Variants in PGM1 observed in about 807,000 individuals in gnomAD.
PGM1 encodes the protein phosphoglucomutase 1.
PGM1 carries 52 observed loss-of-function variants against 55.6 expected under a neutral mutation model. That is an observed-to-expected ratio of 0.94 (90% confidence interval 0.75 to 1.18). PGM1 has a LOEUF of 1.18. PGM1 is among the 50% of genes most tolerant of loss of function. The pLI is 0.00. For synonymous variants in PGM1, 287 were observed against 271.7 expected, an observed-to-expected ratio of 1.06 and a Z score of -0.55; for missense variants, 724 against 729.3, an observed-to-expected ratio of 0.99 and a Z score of 0.08.
intron 1 of PGM1, among the ~76,000 whole-genome samples, chr1:63,628,253 T>C (rs1649091554): frequency 6.6e-6 from 1 of 152,280 alleles, no homozygotes; most frequent in Middle Eastern, 3.4e-3. Flanking sequence ...ACCCTGGTGG[T>C]TACCATTTCC....
chr1:63,606,050 A>G (rs1210670390), intron 1 of PGM1, among the ~76,000 whole-genome samples: 1 of 152,186 alleles, frequency 6.6e-6, no homozygotes, highest in East Asian at 1.9e-4. Context: ...CCTTAGCAGA[A>G]CCCAACCTGC....
At chr1:63,599,127 A>G (rs1166563431) in intron 1 of PGM1, among the ~76,000 whole-genome samples, 5 of 152,158 alleles carry the variant, frequency 3.3e-5, no homozygotes, top group Admixed American at 3.3e-4. Flanking sequence ...TAAACCTTAT[A>G]TCCCTGGGGC....
intron 1 of PGM1, among the ~76,000 whole-genome samples, chr1:63,619,898 A>G (rs1648838691): frequency 6.6e-6 from 1 of 152,124 alleles, no homozygotes; most frequent in African/African-American, 2.4e-5. Context: ...TCTTTACATC[A>G]TTTTCCAGTT....
chr1:63,593,650 G>C lies in PGM1; in HGVS notation c.162G>C (p.Glu54Asp), dbSNP rs778203251. 5 of 1,610,580 alleles carry C rather than the reference G, an allele frequency of 3.1e-6. No homozygotes were observed. Among genetic ancestry groups the C allele is most frequent in the Non-Finnish European group, 4.2e-6 (5 of 1,178,778 alleles). ...CCGTGGAGCCGGCGCAGCGGCAGGAGGCCACGCTGGTGGTGGGCGGGGACG... is the reference window on the plus strand; with the variant it reads ...CCGTGGAGCCGGCGCAGCGGCAGGACGCCACGCTGGTGGTGGGCGGGGACG... Reference protein sequence around the residue: ...ISTVEPAQRQEATLVVGGDGR... With the variant: ...ISTVEPAQRQDATLVVGGDGR... Residue 54 changes from glutamate (E) to aspartate (D), a missense_variant, in exon 1 of 11, where the codon GAG becomes GAC. By Grantham distance (45) the Glu-to-Asp change is conservative. Coordinates refer to ENST00000371084, the MANE Select transcript of PGM1 (RefSeq NM_002633.3).
chr1:63,640,337 T>C (rs1465587270), intron 7 of PGM1, among the ~76,000 whole-genome samples: 2 of 152,184 alleles, frequency 1.3e-5, no homozygotes, highest in African/African-American at 2.4e-5. Flanking sequence ...AGAATACTAG[T>C]TCCATGAGAG....
At position 63,629,013 on chromosome 1, in the gene PGM1, T is replaced by C. The variant is rs545028716; in HGVS notation, c.247-412T>C. Reference sequence around the variant, plus strand: ...TTTGGGTAGAATCCCTTTAATTAGCTAAACCTTTTCTTTTCTCCCGTTGTG... The same window carrying C: ...TTTGGGTAGAATCCCTTTAATTAGCCAAACCTTTTCTTTTCTCCCGTTGTG... On this transcript the variant is annotated intron_variant, in intron 1 of 10. Coordinates refer to ENST00000371084, the MANE Select transcript of PGM1 (RefSeq NM_002633.3). Among the ~76,000 whole-genome samples the C allele has an allele frequency of 2.0e-5, 3 of 152,358 alleles. No homozygotes were observed. In the South Asian group the frequency reaches 6.2e-4, roughly 32 times the overall value.
At chr1:63,594,593 G>T (rs78445581) in intron 1 of PGM1, among the ~76,000 whole-genome samples, 3 of 150,548 alleles carry the variant, frequency 2.0e-5, no homozygotes, top group South Asian at 4.2e-4. Flanking sequence ...TGATTGGGCG[G>T]GTCCACTCGG....
At chr1:63,614,371 T>A (rs1311040981) in intron 1 of PGM1, among the ~76,000 whole-genome samples, 24 of 152,182 alleles carry the variant, frequency 1.6e-4, no homozygotes. Flanking sequence ...AAAGTCCAAC[T>A]TTTTATATCC....
intron 1 of PGM1, among the ~76,000 whole-genome samples, chr1:63,599,422 A>G (rs947605471): frequency 1.1e-4 from 16 of 151,974 alleles, no homozygotes; most frequent in African/African-American, 3.9e-4. Context: ...CCTCGGCCTC[A>G]CAAAGTGCTG....
Position 63,631,643 on chromosome 1 carries a change from G to A in PGM1, c.557-14G>A. ...TTTAATCCTTCCATCTTTTGATGTT[G>A]CTTGTTCTCACAGTGGAAATTGTGG... On this transcript the variant is annotated splice_polypyrimidine_tract_variant and intron_variant, in intron 3 of 10. Coordinates refer to ENST00000371084, the MANE Select transcript of PGM1 (RefSeq NM_002633.3). 1.2e-6 allele frequency: 2 copies of A among 1,611,632 alleles called. No individual in the cohort carries two copies. The highest frequency in any genetic ancestry group is 1.7e-6 in the Non-Finnish European group (2 of 1,177,846).
intron 8 of PGM1, 105 bp downstream of exon 8, chr1:63,648,757 G>T: frequency 8.0e-7 from 1 of 1,243,664 alleles, no homozygotes; most frequent in Admixed American, 1.7e-5. Context: ...TAAAACCCTA[G>T]GTCATCCAGC....
At chr1:63,647,259 C>CATATATAT (rs55760196) in intron 7 of PGM1, among the ~76,000 whole-genome samples, 692 of 54,670 alleles carry the variant, frequency 0.013, 57 homozygotes, top group Non-Finnish European at 0.017. Flanking sequence ...TAAAATTTTA[C>CATATATAT]ATATATATAT....
At chr1:63,638,831 T>C (rs1412968716) in intron 7 of PGM1, 31 bp downstream of exon 7, 2 of 1,430,728 alleles carry the variant, frequency 1.4e-6, no homozygotes, top group African/African-American at 2.8e-5. Flanking sequence ...AGCATTTTCC[T>C]CCCTGTAACC....
In PGM1 at chr1:63,659,757, TG is replaced by T; in HGVS notation, c.*83del. The stretch of plus-strand genomic sequence containing the variant: ...ATTGAAGAGCATGACAGAAACAAAA[TG>T]TATTCACCAAGCATTTTAGGATTTG... On this transcript the variant is annotated 3_prime_UTR_variant, in exon 11 of 11. Transcript: ENST00000371084. 2 of 1,039,092 alleles carry T rather than the reference TG, an allele frequency of 1.9e-6. No individual in the cohort carries two copies. Among genetic ancestry groups the T allele is most frequent in the Non-Finnish European group, 3.0e-6 (2 of 660,028 alleles). 64.4% of individuals were successfully genotyped at this position (1,039,092 alleles called of 1,614,324 possible).
At chr1:63,653,103 G>T (rs896466873) in intron 9 of PGM1, among the ~76,000 whole-genome samples, 1 of 152,174 alleles carries the variant, frequency 6.6e-6, no homozygotes, top group Non-Finnish European at 1.5e-5. Flanking sequence ...AGGTGTAAAG[G>T]TGTGTATAGG....
chr1:63,617,330 T>G (rs1450610837), intron 1 of PGM1, among the ~76,000 whole-genome samples: 1 of 152,076 alleles, frequency 6.6e-6, no homozygotes, highest in Non-Finnish European at 1.5e-5. Flanking sequence ...CAGCTATAAG[T>G]AGCAGAAGCC....
chr1:63,638,533 C>T lies in PGM1; in HGVS notation c.1029-152C>T. The T allele has an allele frequency of 7.0e-6, 5 of 716,832 alleles. No individual in the cohort carries two copies. The South Asian group carries it at 7.4e-5, about 11-fold the overall frequency. The allele number at this position is 716,832 out of a possible 1,614,324, so 44.4% of individuals were successfully genotyped here. ...ATAGCCCATTGTGCACAAGGTTTCT[C>T]TTATGATTTTCCACCAATCTTAGAA... On this transcript the variant is annotated intron_variant, in intron 6 of 10. Transcript: ENST00000371084.
At position 63,651,737 on chromosome 1, in the gene PGM1, T is replaced by C; in HGVS notation, c.1349T>C (p.Phe450Ser). Reference protein sequence around the residue: ...KMMKDLEALMFDRSFVGKQFS... With the variant: ...KMMKDLEALMSDRSFVGKQFS... ...ATGAAGGACTTGGAGGCCCTGATGTTTGATCGCTCCTTTGTGGGGAAGCAG... is the reference window on the plus strand; with the variant it reads ...ATGAAGGACTTGGAGGCCCTGATGTCTGATCGCTCCTTTGTGGGGAAGCAG... Residue 450 changes from phenylalanine to serine, a missense_variant, in exon 9 of 11, where the codon TTT (phenylalanine) becomes TCT (serine). Around this residue, in one of 3 missense-constraint regions of PGM1, gnomAD observed 316 missense variants for 313.1 expected, o/e 1.01. Coordinates refer to ENST00000371084, the MANE Select transcript of PGM1 (RefSeq NM_002633.3). 1.2e-6 allele frequency: 2 copies of C among 1,613,880 alleles called. No homozygotes were observed. The highest frequency in any genetic ancestry group is 2.7e-5 in the African/African-American group (2 of 75,018).
intron 1 of PGM1, among the ~76,000 whole-genome samples, chr1:63,600,786 T>C (rs1648220687): frequency 6.6e-6 from 1 of 152,152 alleles, no homozygotes; most frequent in South Asian, 2.1e-4. Flanking sequence ...TGTTATAAAA[T>C]TATGCCTCAG....
Sources: allele counts gnomAD v4.1 joint callset (sites outside exome capture counted in the v4.1 genomes callset), GRCh38; gene constraint gnomAD v4.1.1; regional missense constraint gnomAD v4.1.1; transcripts MANE v1.5; gene names NCBI Gene and HGNC (gene_info 2026-07-23, HGNC 2026-07-21).